The following ZNF76 variants were observed in gnomAD, a reference collection of about 807,000 sequenced individuals.
ZNF76 encodes zinc finger protein 523.
ZNF76 carries 66 observed loss-of-function variants against 66.9 expected under a neutral mutation model. The observed-to-expected ratio is 0.99, with a 90% CI of 0.81 to 1.21. The LOEUF is 1.21. Among genes scored for constraint, ZNF76 ranks in the 50% most tolerant of loss-of-function variants. ZNF76 has a pLI of 0.00. For missense variants in ZNF76, 729 were observed against 760.3 expected (o/e 0.96, Z 0.48); for synonymous variants, 275 against 296.1 (o/e 0.93, Z 0.73).
intron 5 of ZNF76, among the ~76,000 whole-genome samples, chr6:35,288,678 C>T (rs904813423): frequency 2.0e-5 from 3 of 152,142 alleles, no homozygotes; most frequent in Non-Finnish European, 2.9e-5. Context: ...AAGCACAGGC[C>T]GGGAGCAGAG....
chr6:35,278,175 TC>T (rs1228156221), intron 1 of ZNF76, among the ~76,000 whole-genome samples: 5 of 151,990 alleles, frequency 3.3e-5, no homozygotes, highest in African/African-American at 9.7e-5. Flanking sequence ...TTTGTTTTTT[TC>T]TTTTTTTTTG....
At chr6:35,268,056 A>G (rs1192373456) in intron 1 of ZNF76, among the ~76,000 whole-genome samples, 1 of 152,260 alleles carries the variant, frequency 6.6e-6, no homozygotes, top group Non-Finnish European at 1.5e-5. Context: ...ATCAGGATTC[A>G]AATCTGAGCT....
intron 1 of ZNF76, among the ~76,000 whole-genome samples, chr6:35,276,420 A>G (rs1787900108): frequency 6.6e-6 from 1 of 152,134 alleles, no homozygotes; most frequent in Admixed American, 6.5e-5. Flanking sequence ...CCTCCTCCTG[A>G]TAGCTGGTAT....
intron 9 of ZNF76, 120 bp downstream of exon 9, chr6:35,291,857 A>T: frequency 7.9e-7 from 1 of 1,257,942 alleles, no homozygotes. Context: ...CAGCCATTCC[A>T]GGCTGGTCTG....
Position 35,295,274 on chromosome 6 carries a change from A to C in ZNF76, c.*26A>C. Reference sequence around the variant, plus strand: ...GTCCAAGAGGGCTGGGTCCCACACCATGCTGGAGGAAGTGCCATCTGCATG... The same window carrying C: ...GTCCAAGAGGGCTGGGTCCCACACCCTGCTGGAGGAAGTGCCATCTGCATG... On this transcript the variant is annotated 3_prime_UTR_variant, in exon 14 of 14. Transcript: ENST00000373953. The C allele has an allele frequency of 6.4e-7, 1 of 1,562,408 alleles. No individual in the cohort carries two copies. The highest frequency in any genetic ancestry group is 8.7e-7 in the Non-Finnish European group (1 of 1,150,768).
intron 1 of ZNF76, among the ~76,000 whole-genome samples, chr6:35,276,456 T>C (rs1787904297): frequency 6.6e-6 from 1 of 152,200 alleles, no homozygotes; most frequent in Non-Finnish European, 1.5e-5. Context: ...ATATGTGCCC[T>C]CATTTAATCC....
chr6:35,289,101 A>T (rs1790013841), intron 5 of ZNF76, among the ~76,000 whole-genome samples: 1 of 152,130 alleles, frequency 6.6e-6, no homozygotes, highest in Non-Finnish European at 1.5e-5. Flanking sequence ...GAGCCCTGAG[A>T]TCTATGCTTG....
chr6:35,269,226 A>G (rs943791250), intron 1 of ZNF76, among the ~76,000 whole-genome samples: 13 of 140,220 alleles, frequency 9.3e-5, no homozygotes, highest in South Asian at 2.3e-4. Flanking sequence ...GGTTGTGGTG[A>G]GCTAAGATCA....
At position 35,293,808 on chromosome 6, in the gene ZNF76, C is replaced by T. The variant is rs1296042809; in HGVS notation, c.1387C>T (p.Gln463Ter). Residue 463 changes from glutamine to a stop codon, truncating the protein, a stop_gained, in exon 12 of 14, where the codon CAG becomes TAG. Coordinates refer to ENST00000373953, the MANE Select transcript of ZNF76 (RefSeq NM_003427.5). LOFTEE classifies it high-confidence loss of function. ...ALGSAISMVTQHGSTTLTIPS... is the reference protein window; with the variant it reads ...ALGSAISMVT ...GGGGAGTGCCATCAGTATGGTCACCCAGCACGGCAGCACCACCCTCACCAT... is the reference window on the plus strand; with the variant it reads ...GGGGAGTGCCATCAGTATGGTCACCTAGCACGGCAGCACCACCCTCACCAT... 1.9e-6 allele frequency: 3 copies of T among 1,614,126 alleles called. No homozygotes were observed. Among genetic ancestry groups the T allele is most frequent in the African/African-American group, 1.3e-5 (1 of 75,030 alleles).
chr6:35,277,296 T>C (rs1788060619), intron 1 of ZNF76, among the ~76,000 whole-genome samples: 1 of 152,198 alleles, frequency 6.6e-6, no homozygotes. Context: ...AGGATGCTAA[T>C]AGACCAGAGA....
Position 35,295,448 on chromosome 6 carries a change from G to GGAGT in ZNF76, c.*202_*205dup. 1.6e-6 allele frequency: 1 copy of GGAGT among 621,416 alleles called. No homozygotes were observed. Among genetic ancestry groups the GGAGT allele is most frequent in the East Asian group, 2.9e-5 (1 of 34,368 alleles). The allele number at this position is 621,416 out of a possible 1,614,324, so 38.5% of individuals were successfully genotyped here. On this transcript the variant is annotated 3_prime_UTR_variant, in exon 14 of 14. Coordinates refer to ENST00000373953, the MANE Select transcript of ZNF76 (RefSeq NM_003427.5). Reference sequence around the variant, plus strand: ...AGGGGGCCAGGCAGCTGGAATCAGGGGAGTGCATCATCCTCGGGAGCTGAC... The same window carrying GGAGT: ...AGGGGGCCAGGCAGCTGGAATCAGGGGAGTGAGTGCATCATCCTCGGGAGCTGAC...
intron 7 of ZNF76, 176 bp downstream of exon 7, chr6:35,290,892 A>G (rs1790284528): frequency 6.1e-6 from 4 of 655,524 alleles, no homozygotes; most frequent in Non-Finnish European, 5.3e-6. Context: ...GCAAGGCAGC[A>G]TGGTTCAGGC....
intron 1 of ZNF76, among the ~76,000 whole-genome samples, chr6:35,268,808 A>G (rs1454255047): frequency 1.3e-5 from 2 of 151,880 alleles, no homozygotes; most frequent in East Asian, 1.9e-4. Flanking sequence ...ACCACCTGCA[A>G]TACAAATCCA....
intron 1 of ZNF76, among the ~76,000 whole-genome samples, chr6:35,260,147 A>G (rs921689221): frequency 2.0e-5 from 3 of 150,114 alleles, no homozygotes; most frequent in Non-Finnish European, 4.4e-5. Context: ...GTTATTATTC[A>G]TTGGCTGCTA....
chr6:35,295,042 TG>T, intron 13 of ZNF76, 101 bp from the exon 14 acceptor site: 1 of 810,418 alleles, frequency 1.2e-6, no homozygotes, highest in Non-Finnish European at 2.0e-6. Context: ...ACTGGGTAGA[TG>T]GGGGAGAGTC....
At chr6:35,275,624 T>G in intron 1 of ZNF76, among the ~76,000 whole-genome samples, 1 of 152,178 alleles carries the variant, frequency 6.6e-6, no homozygotes, top group East Asian at 1.9e-4. Context: ...TCAGGCTCTT[T>G]TGGAAGGCAG....
rs1371337050 is a variant in ZNF76 at position 35,295,439 on chromosome 6, G to T, written c.*191G>T. 2 of 633,722 alleles carry T rather than the reference G, an allele frequency of 3.2e-6. No individual in the cohort carries two copies. Among genetic ancestry groups the T allele is most frequent in the African/African-American group, 1.8e-5 (1 of 55,732 alleles). 39.3% of individuals were successfully genotyped at this position (633,722 alleles called of 1,614,324 possible). On this transcript the variant is annotated 3_prime_UTR_variant, in exon 14 of 14. Coordinates refer to ENST00000373953, the MANE Select transcript of ZNF76 (RefSeq NM_003427.5). ...TGCTCAAGAAGGGGGCCAGGCAGCT[G>T]GAATCAGGGGAGTGCATCATCCTCG...
In ZNF76 at chr6:35,287,763, T is replaced by G; in HGVS notation, c.350T>G (p.Val117Gly). 6.2e-7 allele frequency: 1 copy of G among 1,614,118 alleles called. No individual in the cohort carries two copies. Among genetic ancestry groups the G allele is most frequent in the Non-Finnish European group, 8.5e-7 (1 of 1,180,016 alleles). Reference protein sequence around the residue: ...ESTILAVQTEVGLEDLAAEDD... With the variant: ...ESTILAVQTEGGLEDLAAEDD... ...ACCATCCTGGCCGTACAGACAGAGG[T>G]GGGCTTGGAGGACCTGGCAGCAGAG... Residue 117 changes from valine to glycine, a missense_variant, in exon 5 of 14, where the codon GTG (valine) becomes GGG (glycine). By Grantham distance (109) the Val-to-Gly change is moderately radical. Transcript: ENST00000373953. This position sits in a 1 kb window ranked among gnomAD's most constrained non-coding sequence, Gnocchi z 4.0.
At chr6:35,288,298 C>T (rs1191084195) in intron 5 of ZNF76, 26 of 370,932 alleles carry the variant, frequency 7.0e-5, no homozygotes, top group Non-Finnish European at 1.3e-4. Context: ...GAAAATTAAC[C>T]TCAGTGGGCT....
Sources: allele counts gnomAD v4.1 joint callset (sites outside exome capture counted in the v4.1 genomes callset), GRCh38; gene constraint gnomAD v4.1.1; non-coding constraint Gnocchi (gnomAD v3.1); transcripts MANE v1.5; gene names NCBI Gene and HGNC (gene_info 2026-07-23, HGNC 2026-07-21).